KLHL22: variants seen among roughly 807,000 people sequenced by gnomAD.
KLHL22 encodes kelch-like protein 22.
In KLHL22, 18 loss-of-function variants were observed where a neutral mutation model predicts 60.7. That is an observed-to-expected ratio of 0.30 (90% CI 0.20 to 0.44). The LOEUF (loss-of-function observed/expected upper bound fraction) is 0.44, where lower values mean the gene tolerates loss of function less well. KLHL22 is among the 20% of genes least tolerant of loss of function. The probability of loss-of-function intolerance (pLI) is 1.00; values close to 1 mark genes in which losing one functional copy is unlikely to be tolerated. For synonymous variants in KLHL22, 355 were observed against 354.5 expected (o/e 1.00, Z -0.01); for missense variants, 596 against 852.3 (o/e 0.70, Z 3.74).
intron 4 of KLHL22, among the ~76,000 whole-genome samples, chr22:20,462,739 G>A (rs923398321): frequency 1.3e-5 from 2 of 152,078 alleles, no homozygotes; most frequent in African/African-American, 4.8e-5. Context: ...TTGGTGTTCA[G>A]TAATCCACAG....
chr22:20,487,078 C>G (rs1167946736), intron 2 of KLHL22, among the ~76,000 whole-genome samples: 1 of 152,090 alleles, frequency 6.6e-6, no homozygotes, highest in East Asian at 1.9e-4. Flanking sequence ...TGCCACCACG[C>G]CCCGCTAGTT....
intron 3 of KLHL22, among the ~76,000 whole-genome samples, chr22:20,467,532 C>T (rs897212703): frequency 1.3e-5 from 2 of 152,224 alleles, no homozygotes; most frequent in African/African-American, 2.4e-5. Flanking sequence ...AACCCCCTTG[C>T]TACCAACTCC....
At chr22:20,481,170 G>C (rs192128300) in intron 2 of KLHL22, 9 of 152,270 alleles carry the variant, frequency 5.9e-5, no homozygotes, top group Non-Finnish European at 1.3e-4. Flanking sequence ...CTGGGCCAAA[G>C]TTAGCTGAGT....
chr22:20,447,550 T>C (rs991922006), intron 5 of KLHL22, among the ~76,000 whole-genome samples: 8 of 150,026 alleles, frequency 5.3e-5, no homozygotes, highest in African/African-American at 1.9e-4. Flanking sequence ...TTTTCTTTTT[T>C]TTTTTTTTTT....
chr22:20,489,837 G>A lies in KLHL22; in HGVS notation c.-33-593C>T, dbSNP rs76747181. ...GGTGCCAAGGGGGTGGCATTTCCAGGGCCTACTTTCCTTTACTGAAATTCT... is the reference window on the plus strand; with the variant it reads ...GGTGCCAAGGGGGTGGCATTTCCAGAGCCTACTTTCCTTTACTGAAATTCT... On this transcript the variant is annotated intron_variant, in intron 1 of 6. Transcript: ENST00000328879. 2.6e-3 allele frequency: 1,208 copies of A among 470,144 alleles called. 13 individuals carry two copies. The highest frequency in any genetic ancestry group is 0.022 in the African/African-American group (1,122 of 50,082). The allele number at this position is 470,144 out of a possible 1,614,324, so 29.1% of individuals were successfully genotyped here.
At chr22:20,468,444 T>G (rs1184659328) in intron 3 of KLHL22, among the ~76,000 whole-genome samples, 2 of 152,142 alleles carry the variant, frequency 1.3e-5, no homozygotes, top group Non-Finnish European at 2.9e-5. Flanking sequence ...GGGACTGCAT[T>G]TGCTTGGGGT....
chr22:20,442,666 C>T (rs1569117476), intron 6 of KLHL22, among the ~76,000 whole-genome samples: 1 of 152,238 alleles, frequency 6.6e-6, no homozygotes, highest in Non-Finnish European at 1.5e-5. Flanking sequence ...TTGGGCCCTC[C>T]CCTAGAATGA....
chr22:20,486,845 C>T (rs964415556), intron 2 of KLHL22, among the ~76,000 whole-genome samples: 1 of 151,932 alleles, frequency 6.6e-6, no homozygotes, highest in African/African-American at 2.4e-5. Flanking sequence ...CCACGCCCAG[C>T]TAATTTTGTA....
intron 2 of KLHL22, among the ~76,000 whole-genome samples, chr22:20,485,609 T>C (rs894690592): frequency 2.0e-5 from 3 of 152,258 alleles, no homozygotes; most frequent in Admixed American, 6.5e-5. Context: ...GGCTCACGTC[T>C]GTAATCCGAA....
intron 2 of KLHL22, chr22:20,483,879 C>A: frequency 1.4e-6 from 1 of 705,200 alleles, no homozygotes. Context: ...ATTCTGGATG[C>A]TTCCCATTCC....
chr22:20,450,875 A>G, intron 5 of KLHL22: 4 of 1,612,350 alleles, frequency 2.5e-6, no homozygotes, highest in Non-Finnish European at 3.4e-6. Flanking sequence ...GATCTGGTTG[A>G]TGAAGCAAAG....
chr22:20,479,380 A>G (rs992910768), intron 2 of KLHL22, among the ~76,000 whole-genome samples: 9 of 152,326 alleles, frequency 5.9e-5, no homozygotes, highest in African/African-American at 2.2e-4. Flanking sequence ...CTATAAAAAA[A>G]CAACAAAACA....
intron 4 of KLHL22, among the ~76,000 whole-genome samples, chr22:20,464,584 C>T (rs2053201731): frequency 6.6e-6 from 1 of 152,134 alleles, no homozygotes; most frequent in African/African-American, 2.4e-5. Flanking sequence ...ACAATGCACT[C>T]GCAACCTAGC....
intron 3 of KLHL22, among the ~76,000 whole-genome samples, chr22:20,466,375 A>T (rs1161417134): frequency 1.1e-5 from 1 of 94,174 alleles, no homozygotes; most frequent in Non-Finnish European, 3.0e-5. Flanking sequence ...CTCCGTCTAA[A>T]AAAAAAAAAA....
chr22:20,470,554 C>A (rs747721551), intron 3 of KLHL22, among the ~76,000 whole-genome samples: 25 of 152,144 alleles, frequency 1.6e-4, no homozygotes, highest in Non-Finnish European at 3.1e-4. Flanking sequence ...GAGGCTGAGG[C>A]AGAAGGATTG....
At chr22:20,449,946 G>A (rs909714683) in intron 5 of KLHL22, among the ~76,000 whole-genome samples, 1 of 152,190 alleles carries the variant, frequency 6.6e-6, no homozygotes, top group Non-Finnish European at 1.5e-5. Context: ...GACAGCTCCA[G>A]AGCCTCCGGG....
At chr22:20,469,858 T>G (rs368118493) in intron 3 of KLHL22, among the ~76,000 whole-genome samples, 1 of 151,890 alleles carries the variant, frequency 6.6e-6, no homozygotes, top group South Asian at 2.1e-4. Flanking sequence ...TTTGTTTCAC[T>G]TTTAAGAAAT....
chr22:20,448,843 C>T (rs1293507894), intron 5 of KLHL22, among the ~76,000 whole-genome samples: 2 of 152,208 alleles, frequency 1.3e-5, no homozygotes, highest in Non-Finnish European at 2.9e-5. Flanking sequence ...AATCCATGAG[C>T]ATAGTTTCCC....
intron 3 of KLHL22, among the ~76,000 whole-genome samples, chr22:20,470,686 GGA>G (rs2053302716): frequency 6.7e-6 from 1 of 149,998 alleles, no homozygotes; most frequent in Admixed American, 6.7e-5. Flanking sequence ...ATGGGTGGAT[GGA>G]TGGATGGATG....
Sources: gnomAD v4.1 joint callset for allele counts (sites outside exome capture counted in the v4.1 genomes callset) on GRCh38, gnomAD v4.1.1 for gene constraint, MANE v1.5 for transcripts, NCBI Gene and HGNC (gene_info 2026-07-23, HGNC 2026-07-21) for gene names.